Variants in NRG3 observed in about 807,000 individuals in gnomAD.
The protein encoded by NRG3 is pro-neuregulin-3, membrane-bound isoform.
A neutral mutation model predicts 66.9 loss-of-function variants in NRG3; 31 were observed. The observed-to-expected ratio is 0.46, with a 90% CI of 0.35 to 0.63. The LOEUF (loss-of-function observed/expected upper bound fraction) is 0.63. NRG3 is among the 20% of genes least tolerant of loss of function. The pLI, the probability that NRG3 is intolerant of heterozygous loss-of-function variation, is 0.00. For missense variants in NRG3, 910 were observed against 878.9 expected (o/e 1.04, Z -0.45); for synonymous variants, 393 against 359.4 (o/e 1.09, Z -1.06).
chr10:82,125,829 A>G (rs995683909), intron 1 of NRG3, among the ~76,000 whole-genome samples: 4 of 151,972 alleles, frequency 2.6e-5, no homozygotes, highest in Admixed American at 2.0e-4. Flanking sequence ...TTTATCTTCA[A>G]TGTTGCTAAT....
intron 4 of NRG3, among the ~76,000 whole-genome samples, chr10:82,869,967 A>G (rs1841168901): frequency 6.7e-6 from 1 of 149,476 alleles, no homozygotes; most frequent in South Asian, 2.1e-4. Flanking sequence ...TATATTTGAA[A>G]TAATACCTTT....
chr10:82,026,585 C>T (rs1196434737), intron 1 of NRG3, among the ~76,000 whole-genome samples: 1 of 151,696 alleles, frequency 6.6e-6, no homozygotes, highest in Admixed American at 6.6e-5. Flanking sequence ...TTTTTATGCT[C>T]CAATTTATAT....
rs185742069 is a variant in NRG3 at position 82,710,766 on chromosome 10, G to T, written c.954-27811G>T. Among the ~76,000 whole-genome samples, 6 of 147,860 alleles carry T rather than the reference G, an allele frequency of 4.1e-5. No homozygotes were observed. The East Asian group carries it at 1.0e-3, about 25-fold the overall frequency. On this transcript the variant is annotated intron_variant, in intron 2 of 8. Coordinates refer to ENST00000372141, the MANE Select transcript of NRG3 (RefSeq NM_001010848.4). ...ATGGGTCATTTGTGTTTCTTCCTTG[G>T]CTGTTTACCTGTTAATGGCCTTTGC...
intron 2 of NRG3, among the ~76,000 whole-genome samples, chr10:82,445,998 T>C (rs959324121): frequency 6.6e-6 from 1 of 152,212 alleles, no homozygotes; most frequent in Non-Finnish European, 1.5e-5. Flanking sequence ...CTTTCTCAAA[T>C]TATCTGCATT....
intron 2 of NRG3, among the ~76,000 whole-genome samples, chr10:82,502,907 TA>T (rs1021244727): frequency 1.3e-5 from 2 of 152,240 alleles, no homozygotes; most frequent in African/African-American, 2.4e-5. Context: ...ATATTTTAGA[TA>T]GTCGACTTAT....
intron 1 of NRG3, among the ~76,000 whole-genome samples, chr10:82,086,230 C>T (rs2065718561): frequency 6.6e-6 from 1 of 152,064 alleles, no homozygotes; most frequent in South Asian, 2.1e-4. Context: ...GAGTTCATCT[C>T]TAGGTATTTT....
At chr10:82,678,899 CG>C (rs1591137945) in intron 2 of NRG3, among the ~76,000 whole-genome samples, 2 of 152,162 alleles carry the variant, frequency 1.3e-5, no homozygotes, top group East Asian at 3.9e-4. Context: ...TTCTGAGCAC[CG>C]TGTATACATA....
At chr10:82,466,291 C>G (rs1380451036) in intron 2 of NRG3, among the ~76,000 whole-genome samples, 1 of 152,126 alleles carries the variant, frequency 6.6e-6, no homozygotes, top group Non-Finnish European at 1.5e-5. Flanking sequence ...AAGCAGATTC[C>G]ACCAGGCTTT....
chr10:82,832,401 T>C (rs557877039), intron 3 of NRG3, among the ~76,000 whole-genome samples: 92 of 152,274 alleles, frequency 6.0e-4, no homozygotes, highest in African/African-American at 2.1e-3. Flanking sequence ...TTAAACCCCA[T>C]TGAAAATTCA....
chr10:82,627,619 C>T (rs1011789790), intron 2 of NRG3, among the ~76,000 whole-genome samples: 8 of 151,906 alleles, frequency 5.3e-5, no homozygotes. Flanking sequence ...TTATCTTTAC[C>T]AGAATTTTCA....
intron 2 of NRG3, among the ~76,000 whole-genome samples, chr10:82,530,397 A>G (rs1487404554): frequency 6.6e-6 from 1 of 152,042 alleles, no homozygotes. Context: ...AACTTTGAAG[A>G]AAAACTAATG....
intron 3 of NRG3, among the ~76,000 whole-genome samples, chr10:82,751,894 G>GT (rs2058881117): frequency 6.6e-6 from 1 of 152,044 alleles, no homozygotes; most frequent in Admixed American, 6.6e-5. Flanking sequence ...GCTTTTGTTT[G>GT]TTTGTTTGTT....
At chr10:82,019,149 C>T (rs891471848) in intron 1 of NRG3, among the ~76,000 whole-genome samples, 11 of 152,028 alleles carry the variant, frequency 7.2e-5, no homozygotes, top group African/African-American at 2.2e-4. Flanking sequence ...GCATGAAGGG[C>T]TGTTGAATTT....
intron 2 of NRG3, among the ~76,000 whole-genome samples, chr10:82,383,487 G>T (rs376123323): frequency 6.6e-6 from 1 of 151,590 alleles, no homozygotes; most frequent in Non-Finnish European, 1.5e-5. Flanking sequence ...GTTAAATTAG[G>T]TTACATGTTT....
chr10:82,616,074 A>G (rs1291900431), intron 2 of NRG3, among the ~76,000 whole-genome samples: 1 of 152,226 alleles, frequency 6.6e-6, no homozygotes, highest in Non-Finnish European at 1.5e-5. Context: ...GATGACTGCC[A>G]TGTGCAAACA....
At chr10:82,089,796 T>G (rs2065926368) in intron 1 of NRG3, among the ~76,000 whole-genome samples, 1 of 152,100 alleles carries the variant, frequency 6.6e-6, no homozygotes. Context: ...ATTTCAATCT[T>G]TCTTTTAAGA....
chr10:81,983,424 T>G (rs2060407647), intron 1 of NRG3, among the ~76,000 whole-genome samples: 1 of 152,204 alleles, frequency 6.6e-6, no homozygotes, highest in Non-Finnish European at 1.5e-5. Context: ...ATACACGAAT[T>G]ACTCATATTT....
At chr10:82,879,467 CTTTTTT>C (rs201614818) in intron 4 of NRG3, among the ~76,000 whole-genome samples, 4 of 121,856 alleles carry the variant, frequency 3.3e-5, no homozygotes, top group Non-Finnish European at 5.2e-5. Context: ...CTAATGAAGA[CTTTTTT>C]TTTTTTTTTT....
intron 3 of NRG3, among the ~76,000 whole-genome samples, chr10:82,785,098 G>A (rs536647009): frequency 4.4e-4 from 66 of 151,344 alleles, no homozygotes; most frequent in African/African-American, 1.2e-3. Context: ...GTAAACTATC[G>A]CAAGGACAAA....
Sources: gnomAD v4.1 joint callset for allele counts (sites outside exome capture counted in the v4.1 genomes callset) on GRCh38, gnomAD v4.1.1 for gene constraint, MANE v1.5 for transcripts, NCBI Gene and HGNC (gene_info 2026-07-23, HGNC 2026-07-21) for gene names.